GPRIN3: variants seen among roughly 807,000 people sequenced by gnomAD.
The protein encoded by GPRIN3 is GPRIN family member 3, also known as G protein-regulated inducer of neurite outgrowth 3.
A neutral mutation model predicts 13.7 loss-of-function variants in GPRIN3; 12 were observed. The observed-to-expected ratio is 0.87, with a 90% CI of 0.56 to 1.42. The LOEUF (loss-of-function observed/expected upper bound fraction) is 1.42, where lower values mean the gene tolerates loss of function less well. Among genes scored for constraint, GPRIN3 ranks in the 40% most tolerant of loss-of-function variants. The pLI, the probability that GPRIN3 is intolerant of heterozygous loss-of-function variation, is 0.00. For synonymous variants in GPRIN3, 377 were observed against 372.7 expected (o/e 1.01, Z -0.13); for missense variants, 1,009 against 958.7 (o/e 1.05, Z -0.69).
intron 1 of GPRIN3, among the ~76,000 whole-genome samples, chr4:89,299,944 A>C (rs368847151): frequency 6.6e-6 from 1 of 152,160 alleles, no homozygotes; most frequent in Non-Finnish European, 1.5e-5. Flanking sequence ...AGAAAAAATA[A>C]ATTACATTAT....
chr4:89,267,831 A>T (rs1723822299), intron 1 of GPRIN3, among the ~76,000 whole-genome samples: 1 of 152,216 alleles, frequency 6.6e-6, no homozygotes, highest in African/African-American at 2.4e-5. Flanking sequence ...AAAGGTGCAG[A>T]TGTTGGGGGA....
chr4:89,241,634 G>A lies in GPRIN3; in HGVS notation c.*6146C>T, dbSNP rs1339222590. ...TAGTCTTTCCTCTCCTCTAGGGATT[G>A]GGGAGTATGACTATAATACTGCAAT... On this transcript the variant is annotated 3_prime_UTR_variant, in exon 2 of 2. Coordinates refer to ENST00000609438, the MANE Select transcript of GPRIN3 (RefSeq NM_198281.3). 3.3e-5 allele frequency: 5 copies of A among 152,136 alleles called. No individual in the cohort carries two copies. Among genetic ancestry groups the A allele is most frequent in the Non-Finnish European group, 2.9e-5 (2 of 68,030 alleles). 9.4% of individuals were successfully genotyped at this position (152,136 alleles called of 1,614,324 possible).
rs1723055400 is a variant in GPRIN3, at chr4:89,245,098, CAAAT to C, written c.*2678_*2681del. The C allele has an allele frequency of 6.6e-6, 1 of 152,192 alleles. No individual in the cohort carries two copies. The highest frequency in any genetic ancestry group is 6.5e-5 in the Admixed American group (1 of 15,276). 9.4% of individuals were successfully genotyped at this position (152,192 alleles called of 1,614,324 possible). On this transcript the variant is annotated 3_prime_UTR_variant, in exon 2 of 2. Coordinates refer to ENST00000609438, the MANE Select transcript of GPRIN3 (RefSeq NM_198281.3). ...ACAGATTGAAGTGAAGGAAAATTCT[CAAAT>C]AAGGTTTTATTGTGAGAGTAACTTA...
chr4:89,307,082 T>C (rs72653573), intron 1 of GPRIN3, among the ~76,000 whole-genome samples: 6,800 of 152,168 alleles, frequency 0.045, 195 homozygotes, highest in Non-Finnish European at 0.066. Flanking sequence ...AACATGTCTC[T>C]ACAACGATTT....
chr4:89,296,468 T>C (rs1221362652), intron 1 of GPRIN3, among the ~76,000 whole-genome samples: 5 of 152,208 alleles, frequency 3.3e-5, no homozygotes, highest in Admixed American at 3.3e-4. Flanking sequence ...TTTTTTTTTC[T>C]TAGTATTCCA....
chr4:89,278,804 C>CCAGCTCCAGAACCAAA lies in GPRIN3; in HGVS notation c.-123-28572_-123-28571insTTTGGTTCTGGAGCTG, dbSNP rs1553952060. 1.5e-3 allele frequency among the ~76,000 whole-genome samples: 229 copies of CCAGCTCCAGAACCAAA among 152,344 alleles called. 2 individuals are homozygous for CCAGCTCCAGAACCAAA. Among genetic ancestry groups the CCAGCTCCAGAACCAAA allele is most frequent in the Middle Eastern group, 3.4e-3 (1 of 294 alleles). ...GTCTAAATATGGATTTGAACCCAAG[C>CCAGCTCCAGAACCAAA]TGTGCAGCTCCAGAGTCTTAGGCAC... is the stretch of plus-strand genomic sequence containing the variant. On this transcript the variant is annotated intron_variant, in intron 1 of 1. Coordinates refer to ENST00000609438, the MANE Select transcript of GPRIN3 (RefSeq NM_198281.3).
At position 89,247,760 on chromosome 4, in the gene GPRIN3, A is replaced by G. The variant is rs910839530; in HGVS notation, c.*20T>C. On this transcript the variant is annotated 3_prime_UTR_variant, in exon 2 of 2. Coordinates refer to ENST00000609438, the MANE Select transcript of GPRIN3 (RefSeq NM_198281.3). ...GTGAATACCGTAAATTTATACACAA[A>G]CTCCCATAAATACTCCCTTTCAATC... 4 of 1,575,774 alleles carry G rather than the reference A, an allele frequency of 2.5e-6. No homozygotes were observed. In the South Asian group the frequency reaches 3.5e-5, roughly 14 times the overall value.
chr4:89,252,606 T>A (rs1313587289), intron 1 of GPRIN3, among the ~76,000 whole-genome samples: 1 of 152,122 alleles, frequency 6.6e-6, no homozygotes, highest in East Asian at 1.9e-4. Context: ...AATACATAAT[T>A]TTATCCTTTA....
intron 1 of GPRIN3, among the ~76,000 whole-genome samples, chr4:89,276,890 A>G (rs1248035549): frequency 6.6e-6 from 1 of 152,168 alleles, no homozygotes; most frequent in Non-Finnish European, 1.5e-5. Flanking sequence ...ATATTCCTAT[A>G]TGGGGGTGGG....
chr4:89,252,828 T>A (rs1335752375), intron 1 of GPRIN3, among the ~76,000 whole-genome samples: 1 of 152,158 alleles, frequency 6.6e-6, no homozygotes, highest in Non-Finnish European at 1.5e-5. Flanking sequence ...TGTTGCAAAA[T>A]CACTTGCTCT....
chr4:89,296,711 A>G (rs1724749099), intron 1 of GPRIN3, among the ~76,000 whole-genome samples: 1 of 152,194 alleles, frequency 6.6e-6, no homozygotes, highest in Non-Finnish European at 1.5e-5. Flanking sequence ...GACATAAGAA[A>G]CACATTTGGT....
chr4:89,263,201 A>G, intron 1 of GPRIN3, among the ~76,000 whole-genome samples: 1 of 152,226 alleles, frequency 6.6e-6, no homozygotes. Flanking sequence ...TGTAAAACAA[A>G]CAAATATGCC....
rs1371040020 is a variant in GPRIN3, at chr4:89,248,539, A to G, written c.1572T>C (p.Ser524=). 1 of 1,613,420 alleles carries G rather than the reference A, an allele frequency of 6.2e-7. No homozygotes were observed. The highest frequency in any genetic ancestry group is 1.7e-5 in the Admixed American group (1 of 59,998). ...SCGSISKADH[S]GSLDPTNKGD... ...CTTTATTAGTGGGATCCAAGCTCCC[A>G]GAATGATCAGCTTTGCTGATAGAGC... The change falls in exon 2 of 2, where the codon TCT becomes TCC. Residue 524 remains serine, a synonymous_variant. Transcript: ENST00000609438.
At chr4:89,294,103 C>G (rs893376510) in intron 1 of GPRIN3, among the ~76,000 whole-genome samples, 2 of 152,118 alleles carry the variant, frequency 1.3e-5, no homozygotes, top group Non-Finnish European at 2.9e-5. Flanking sequence ...TGCTCCATAA[C>G]CAGAGAATAC....
chr4:89,276,913 C>T (rs1256492581), intron 1 of GPRIN3, among the ~76,000 whole-genome samples: 2 of 152,086 alleles, frequency 1.3e-5, no homozygotes, highest in Non-Finnish European at 2.9e-5. Flanking sequence ...GAGGACATGT[C>T]CAATGAAATG....
At position 89,249,857 on chromosome 4, in the gene GPRIN3, T is replaced by C. The variant is rs139275830; in HGVS notation, c.254A>G (p.Asn85Ser). The C allele has an allele frequency of 1.1e-5, 17 of 1,614,086 alleles. No homozygotes were observed. Among genetic ancestry groups the C allele is most frequent in the African/African-American group, 9.3e-5 (7 of 74,932 alleles). Residue 85 changes from asparagine to serine, a missense_variant, in exon 2 of 2, where the codon AAT (asparagine) becomes AGT (serine). Transcript: ENST00000609438. Reference protein sequence around the residue: ...QPDMSSPGVFNEVQKAPATFN... With the variant: ...QPDMSSPGVFSEVQKAPATFN... ...TGTGGCAGGTGCTTTCTGCACTTCA[T>C]TGAACACACCAGGAGAAGACATATC...
intron 1 of GPRIN3, among the ~76,000 whole-genome samples, chr4:89,252,055 C>T (rs1056682255): frequency 3.9e-5 from 6 of 151,948 alleles, no homozygotes; most frequent in African/African-American, 1.5e-4. Flanking sequence ...TCACTGCAGC[C>T]TCGACCTCCC....
chr4:89,259,289 T>G (rs1172720352), intron 1 of GPRIN3, among the ~76,000 whole-genome samples: 1 of 152,180 alleles, frequency 6.6e-6, no homozygotes, highest in East Asian at 1.9e-4. Flanking sequence ...AACATTTAGG[T>G]TTGTTATTCT....
At chr4:89,278,315 T>A (rs1724150915) in intron 1 of GPRIN3, among the ~76,000 whole-genome samples, 1 of 152,236 alleles carries the variant, frequency 6.6e-6, no homozygotes, top group Non-Finnish European at 1.5e-5. Flanking sequence ...CAAAATTCTG[T>A]AAAAACATGC....
Sources: gnomAD v4.1 joint callset for allele counts (sites outside exome capture counted in the v4.1 genomes callset) on GRCh38, gnomAD v4.1.1 for gene constraint, MANE v1.5 for transcripts, NCBI Gene and HGNC (gene_info 2026-07-23, HGNC 2026-07-21) for gene names.